The following DNAH14 variants were observed in gnomAD, a reference collection of about 807,000 sequenced individuals.
DNAH14 encodes the protein axonemal beta dynein heavy chain 14.
Under a neutral mutation model 520.9 loss-of-function variants are expected in DNAH14, and 478 were observed. The ratio of observed to expected loss-of-function variants is 0.92; its 90% CI spans 0.85 to 0.99. The LOEUF (loss-of-function observed/expected upper bound fraction) is 0.99, where lower values mean the gene tolerates loss of function less well. Ranked by LOEUF, DNAH14 falls within the 50% of genes least tolerant of loss-of-function variation. DNAH14 has a pLI of 0.00. For missense variants in DNAH14, 4,831 were observed against 5,234.5 expected (o/e 0.92, Z 2.38); for synonymous variants, 1,581 against 1,757.2 (o/e 0.90, Z 2.51).
At position 225,270,877 on chromosome 1, in the gene DNAH14, T is replaced by C; in HGVS notation, c.7671+11T>C. On this transcript the variant is annotated intron_variant, in intron 50 of 85. Coordinates refer to ENST00000682510, the MANE Select transcript of DNAH14 (RefSeq NM_001367479.1). ...TGTACTATTTTCCAGGTAACACATC[T>C]AGTTCATTTTCTACTGAAAAAAATT... is the stretch of plus-strand genomic sequence containing the variant. 2 of 1,546,320 alleles carry C rather than the reference T, an allele frequency of 1.3e-6. No homozygotes were observed. The highest frequency in any genetic ancestry group is 1.7e-6 in the Non-Finnish European group (2 of 1,144,248).
chr1:225,157,494 A>G (rs116183003), intron 34 of DNAH14, among the ~76,000 whole-genome samples: 3,233 of 152,282 alleles, frequency 0.021, 90 homozygotes, highest in African/African-American at 0.062. Context: ...TTCGCATGCC[A>G]TTTCCAAAAT....
At chr1:225,137,901 G>T (rs2079094325) in intron 27 of DNAH14, among the ~76,000 whole-genome samples, 1 of 152,286 alleles carries the variant, frequency 6.6e-6, no homozygotes, top group South Asian at 2.1e-4. Context: ...AGATAGCGCT[G>T]CCCCTCACCC....
chr1:225,369,785 G>A (rs1299220690), intron 77 of DNAH14, among the ~76,000 whole-genome samples: 2 of 152,048 alleles, frequency 1.3e-5, no homozygotes, highest in African/African-American at 2.4e-5. Flanking sequence ...TATGGGCCAC[G>A]TTATCTGAAC....
chr1:224,970,411 C>T (rs1366811853), intron 7 of DNAH14, among the ~76,000 whole-genome samples: 1 of 152,060 alleles, frequency 6.6e-6, no homozygotes, highest in Non-Finnish European at 1.5e-5. Flanking sequence ...GTGATGTTGC[C>T]CTGCCTCCAT....
Position 225,283,722 on chromosome 1 carries a change from A to C in DNAH14, c.8272-6163A>C, listed in dbSNP as rs368715190. 3.9e-5 allele frequency among the ~76,000 whole-genome samples: 6 copies of C among 152,278 alleles called. No individual in the cohort carries two copies. The East Asian group carries it at 9.7e-4, about 24-fold the overall frequency. ...GATAGAAGACTCCACTAACAACAGC[A>C]AAACACATATTCTTTTGAAGCAAAC... is the stretch of plus-strand genomic sequence containing the variant. On this transcript the variant is annotated intron_variant, in intron 54 of 85. Transcript: ENST00000682510.
chr1:225,043,462 A>C (rs2067666000), intron 13 of DNAH14, among the ~76,000 whole-genome samples: 1 of 152,188 alleles, frequency 6.6e-6, no homozygotes. Context: ...GTCAGTAATG[A>C]CACCATTATT....
intron 38 of DNAH14, among the ~76,000 whole-genome samples, chr1:225,203,112 G>A (rs922721116): frequency 2.0e-5 from 3 of 152,016 alleles, no homozygotes; most frequent in Non-Finnish European, 2.9e-5. Flanking sequence ...GGGTTCTCTC[G>A]GCTTTCCTGA....
intron 11 of DNAH14, among the ~76,000 whole-genome samples, chr1:225,034,705 C>T (rs932617975): frequency 6.6e-6 from 1 of 152,016 alleles, no homozygotes; most frequent in African/African-American, 2.4e-5. Context: ...TCATCAGGTC[C>T]TGAGCTTTTT....
chr1:225,139,706 C>A (rs1023695187), intron 27 of DNAH14, among the ~76,000 whole-genome samples: 21 of 152,192 alleles, frequency 1.4e-4, no homozygotes, highest in Non-Finnish European at 5.9e-5. Flanking sequence ...CCTCCTTTAC[C>A]CTACACTGAT....
chr1:225,386,788 T>C (rs2095846542), intron 81 of DNAH14, among the ~76,000 whole-genome samples: 1 of 152,254 alleles, frequency 6.6e-6, no homozygotes, highest in Non-Finnish European at 1.5e-5. Flanking sequence ...TTGGTGGGAC[T>C]GTAAACTAGT....
chr1:225,372,499 T>G (rs2095630832), intron 77 of DNAH14, among the ~76,000 whole-genome samples: 1 of 152,210 alleles, frequency 6.6e-6, no homozygotes, highest in South Asian at 2.1e-4. Flanking sequence ...AAGTAAATGA[T>G]ACTGGCACAA....
chr1:225,104,352 T>C (rs1573109171), intron 23 of DNAH14, among the ~76,000 whole-genome samples: 6 of 152,208 alleles, frequency 3.9e-5, no homozygotes, highest in Admixed American at 3.9e-4. Flanking sequence ...TTCTCTTTTT[T>C]TGTTGTGTCT....
chr1:225,373,592 G>T (rs1371709649), intron 77 of DNAH14, among the ~76,000 whole-genome samples: 1 of 152,112 alleles, frequency 6.6e-6, no homozygotes, highest in African/African-American at 2.4e-5. Context: ...GAGAAGAAAA[G>T]AAGTCAACCT....
At chr1:225,086,553 A>G (rs115534126) in intron 21 of DNAH14, among the ~76,000 whole-genome samples, 92 of 152,308 alleles carry the variant, frequency 6.0e-4, no homozygotes, top group African/African-American at 2.2e-3. Flanking sequence ...ATCTATATAA[A>G]TAGATGGGGA....
intron 10 of DNAH14, among the ~76,000 whole-genome samples, chr1:225,020,316 G>A (rs1463644797): frequency 6.6e-6 from 1 of 151,738 alleles, no homozygotes; most frequent in East Asian, 1.9e-4. Context: ...GGCCAACATG[G>A]TGAAACCTCA....
rs2077110238 is a variant in DNAH14, at chr1:225,119,267, A to G, written c.4139A>G (p.Glu1380Gly). 2.0e-6 allele frequency: 3 copies of G among 1,526,092 alleles called. No individual in the cohort carries two copies. Among genetic ancestry groups the G allele is most frequent in the Non-Finnish European group, 2.6e-6 (3 of 1,134,874 alleles). The allele number at this position is 1,526,092 out of a possible 1,614,324, so 94.5% of individuals were successfully genotyped here. A position where few individuals can be genotyped will look rare whatever the true frequency, so the allele number is the denominator to read the frequency against. ...SAVEQWLVNV[E>G]KSMFDVLKKF... ...GTAGAACAGTGGCTGGTAAATGTAG[A>G]AAAAAGCATGTTCGATGTGCTAAAA... The change falls in exon 26 of 86, where the codon GAA (glutamate) becomes GGA (glycine). Residue 1380 changes from glutamate to glycine, a missense_variant. Transcript: ENST00000682510.
intron 3 of DNAH14, among the ~76,000 whole-genome samples, chr1:224,957,567 A>G (rs994519985): frequency 2.0e-5 from 3 of 152,130 alleles, no homozygotes; most frequent in African/African-American, 4.8e-5. Context: ...TGCAAAGGAC[A>G]TGGGATTGGT....
At chr1:225,304,397 A>T (rs2094200008) in intron 57 of DNAH14, among the ~76,000 whole-genome samples, 2 of 151,980 alleles carry the variant, frequency 1.3e-5, no homozygotes, top group Non-Finnish European at 1.5e-5. Flanking sequence ...TCTCTACAAA[A>T]AATTTAGAAA....
chr1:225,045,847 A>G (rs2067910227), intron 15 of DNAH14, among the ~76,000 whole-genome samples: 1 of 152,012 alleles, frequency 6.6e-6, no homozygotes, highest in Non-Finnish European at 1.5e-5. Context: ...GGGTGGGAGG[A>G]GAGATTTTGA....
Sources: allele counts gnomAD v4.1 joint callset (sites outside exome capture counted in the v4.1 genomes callset), GRCh38; gene constraint gnomAD v4.1.1; transcripts MANE v1.5; gene names NCBI Gene and HGNC (gene_info 2026-07-23, HGNC 2026-07-21).